CCDC77: variants seen among roughly 807,000 people sequenced by gnomAD.
CCDC77 encodes the protein coiled-coil domain-containing protein 77.
In CCDC77, 56 loss-of-function variants were observed where a neutral mutation model predicts 66.8. That is an observed-to-expected ratio of 0.84 (90% CI 0.68 to 1.05). The LOEUF (loss-of-function observed/expected upper bound fraction) is 1.05, where lower values mean the gene tolerates loss of function less well. CCDC77 is among the 50% of genes least tolerant of loss of function. The pLI is 0.00. For missense variants in CCDC77, 570 were observed against 576.8 expected, an observed-to-expected ratio of 0.99 and a Z score of 0.12; for synonymous variants, 196 against 195.2, an observed-to-expected ratio of 1.00 and a Z score of -0.03.
At chr12:408,222 GCCTCTCTC>G (rs1945036506) in intron 2 of CCDC77, among the ~76,000 whole-genome samples, 1 of 152,216 alleles carries the variant, frequency 6.6e-6, no homozygotes, top group South Asian at 2.1e-4. Context: ...AAAAAAATCA[GCCTCTCTC>G]CCTCTCTCCT....
chr12:430,744 C>T lies in CCDC77; in HGVS notation c.583+8C>T. 1 of 1,599,360 alleles carries T rather than the reference C, an allele frequency of 6.3e-7. No homozygotes were observed. The highest frequency in any genetic ancestry group is 8.6e-7 in the Non-Finnish European group (1 of 1,166,562). ...CTTCAGCTTTCAAAGCAGGTAACAA[C>T]CATATAACCTATTAGAAATTCTCAT... On this transcript the variant is annotated splice_region_variant and intron_variant, in intron 7 of 12. Transcript: ENST00000239830.
Position 439,903 on chromosome 12 carries a change from ACT to A in CCDC77, c.1042-709_1042-708del, listed in dbSNP as rs145541444. ...ATTAATAGAAGGAATGCACAGGGAC[ACT>A]CTCTTATATCTAGTGTTTCTGCTGA... On this transcript the variant is annotated intron_variant, in intron 10 of 12. Coordinates refer to ENST00000239830, the MANE Select transcript of CCDC77 (RefSeq NM_032358.4). Among the ~76,000 whole-genome samples the A allele has an allele frequency of 8.3e-3, 1,260 of 152,312 alleles. 12 individuals are homozygous for A. The highest frequency in any genetic ancestry group is 0.027 in the Middle Eastern group (8 of 294).
chr12:411,977 A>C lies in CCDC77; in HGVS notation c.269A>C (p.Gln90Pro). The change falls in exon 4 of 13, where the codon CAG (glutamine) becomes CCG (proline). Residue 90 changes from glutamine (Q) to proline (P), a missense_variant and splice_region_variant. Physicochemically the swap from Gln to Pro is moderately conservative, Grantham distance 76 (BLOSUM62 -1). Coordinates refer to ENST00000239830, the MANE Select transcript of CCDC77 (RefSeq NM_032358.4). ...CTCTACAAAGAAGCTTGTGAAGGACAGGTAAAGAAACGATGCTGCTGCTTT... is the reference window on the plus strand; with the variant it reads ...CTCTACAAAGAAGCTTGTGAAGGACCGGTAAAGAAACGATGCTGCTGCTTT... ...LELYKEACEG[Q>P]HKLECDLQQR... 6.2e-7 allele frequency: 1 copy of C among 1,609,020 alleles called. No homozygotes were observed. The highest frequency in any genetic ancestry group is 1.1e-5 in the South Asian group (1 of 90,762).
chr12:425,687 A>G (rs533433335), intron 5 of CCDC77, among the ~76,000 whole-genome samples: 1 of 152,028 alleles, frequency 6.6e-6, no homozygotes, highest in Admixed American at 6.5e-5. Context: ...CACAGCCTTA[A>G]AAACTTCACT....
intron 9 of CCDC77, among the ~76,000 whole-genome samples, chr12:434,422 G>A (rs145669107): frequency 0.015 from 2,276 of 149,918 alleles, 59 homozygotes; most frequent in African/African-American, 0.053. Flanking sequence ...GCGTGATCCC[G>A]GTTCCCTGCA....
chr12:423,477 G>GTTTTTTTTTTT (rs1565572179), intron 5 of CCDC77, among the ~76,000 whole-genome samples: 13 of 24,984 alleles, frequency 5.2e-4, no homozygotes, highest in Admixed American at 1.2e-3. Context: ...TGTGTTTTTT[G>GTTTTTTTTTTT]TGTTTTTTTT....
chr12:424,795 T>A (rs1279214273), intron 5 of CCDC77, among the ~76,000 whole-genome samples: 1 of 152,176 alleles, frequency 6.6e-6, no homozygotes, highest in Non-Finnish European at 1.5e-5. Context: ...TCTAGGTCTT[T>A]GATCCATTTT....
chr12:431,066 CAA>C (rs372949107), intron 7 of CCDC77, among the ~76,000 whole-genome samples: 14 of 105,586 alleles, frequency 1.3e-4, no homozygotes, highest in South Asian at 6.4e-4. Flanking sequence ...AGACTATCTC[CAA>C]AAAAAAAAAA....
chr12:427,740 C>T (rs972274756), intron 5 of CCDC77, among the ~76,000 whole-genome samples: 1 of 151,926 alleles, frequency 6.6e-6, no homozygotes, highest in Non-Finnish European at 1.5e-5. Flanking sequence ...CCCAAAGTGC[C>T]GGGATTACAG....
At chr12:436,733 C>G (rs567562898) in intron 9 of CCDC77, 16 of 978,644 alleles carry the variant, frequency 1.6e-5, no homozygotes, top group Non-Finnish European at 1.9e-5. Flanking sequence ...CCTTGTTTAG[C>G]GTTATCTGCA....
At chr12:432,485 T>A (rs1019567805) in intron 8 of CCDC77, among the ~76,000 whole-genome samples, 4 of 152,142 alleles carry the variant, frequency 2.6e-5, no homozygotes, top group Non-Finnish European at 4.4e-5. Context: ...CCATGTGGAG[T>A]CATGACAACC....
At chr12:404,914 G>A (rs1944964718) in intron 1 of CCDC77, among the ~76,000 whole-genome samples, 1 of 151,964 alleles carries the variant, frequency 6.6e-6, no homozygotes, top group South Asian at 2.1e-4. Context: ...TAGAGATGGG[G>A]TTTCTCCAGG....
intron 5 of CCDC77, among the ~76,000 whole-genome samples, chr12:423,506 T>TTG (rs1565572333): frequency 8.3e-5 from 9 of 108,926 alleles, no homozygotes; most frequent in Admixed American, 2.2e-4. Context: ...TTTTTTTTTT[T>TTG]TTTTTTTGAG....
chr12:429,418 G>C (rs116239685), intron 6 of CCDC77, among the ~76,000 whole-genome samples: 2,209 of 149,112 alleles, frequency 0.015, 54 homozygotes, highest in African/African-American at 0.051. Flanking sequence ...ATACATATCT[G>C]TATACGTATA....
exon 1 of CCDC77, chr12:389,386 C>T (rs1944702719): frequency 1.2e-5 from 7 of 564,978 alleles, no homozygotes; most frequent in South Asian, 3.9e-5. Context: ...TGTGTCTGGC[C>T]TTTCCTTCTT....
chr12:424,595 C>T (rs1032323941), intron 5 of CCDC77, among the ~76,000 whole-genome samples: 3 of 152,064 alleles, frequency 2.0e-5, no homozygotes, highest in Non-Finnish European at 4.4e-5. Context: ...TCCCAAAGTG[C>T]TAGGATTACA....
intron 4 of CCDC77, among the ~76,000 whole-genome samples, chr12:415,830 A>G (rs911445528): frequency 8.8e-6 from 1 of 114,010 alleles, no homozygotes; most frequent in African/African-American, 3.8e-5. Context: ...TTTGAGATGA[A>G]GTCTTGCTCT....
At chr12:428,671 G>GC in intron 5 of CCDC77, 98 bp from the exon 6 acceptor site, 1 of 644,440 alleles carries the variant, frequency 1.6e-6, no homozygotes. Flanking sequence ...GGTTACAATT[G>GC]TTTTAAAAAA....
upstream of CCDC77, among the ~76,000 whole-genome samples, chr12:396,677 G>A (rs978625793): frequency 1.3e-5 from 2 of 152,106 alleles, no homozygotes; most frequent in African/African-American, 4.8e-5. Context: ...GTTGGCTCTC[G>A]TAAGAATTTT....
Sources: allele counts gnomAD v4.1 joint callset (sites outside exome capture counted in the v4.1 genomes callset), GRCh38; gene constraint gnomAD v4.1.1; transcripts MANE v1.5; gene names NCBI Gene and HGNC (gene_info 2026-07-23, HGNC 2026-07-21).